The following UGGT1 variants were observed in gnomAD, a reference collection of about 807,000 sequenced individuals.
The protein encoded by UGGT1 is UDP-glucose glycoprotein glucosyltransferase 1.
In UGGT1, 107 loss-of-function variants were observed where a neutral mutation model predicts 203.9. The observed-to-expected ratio is 0.52, with a 90% CI of 0.45 to 0.62. The LOEUF is 0.62. Among genes scored for constraint, UGGT1 ranks in the 20% least tolerant of loss-of-function variants. The probability of loss-of-function intolerance (pLI) is 0.00; values close to 1 mark genes in which losing one functional copy is unlikely to be tolerated. For synonymous variants in UGGT1, 628 were observed against 653.5 expected (o/e 0.96, Z 0.59); for missense variants, 1,673 against 1,867.2 (o/e 0.90, Z 1.92).
chr2:128,130,346 C>G (rs950922592), intron 13 of UGGT1, among the ~76,000 whole-genome samples: 1 of 151,364 alleles, frequency 6.6e-6, no homozygotes, highest in African/African-American at 2.4e-5. Context: ...GAGAGCTGAT[C>G]TTATTTTTTC....
chr2:128,114,095 G>A (rs1313626455), intron 6 of UGGT1, among the ~76,000 whole-genome samples: 1 of 151,846 alleles, frequency 6.6e-6, no homozygotes, highest in Non-Finnish European at 1.5e-5. Context: ...CTAAGTTCAT[G>A]CAAAAAAAAT....
intron 1 of UGGT1, among the ~76,000 whole-genome samples, chr2:128,092,383 C>A (rs1452529699): frequency 6.6e-6 from 1 of 150,590 alleles, no homozygotes; most frequent in Admixed American, 6.6e-5. Flanking sequence ...CCAGTCTGAT[C>A]TTGAACTCCT....
At chr2:128,157,656 G>A (rs1356279368) in intron 22 of UGGT1, among the ~76,000 whole-genome samples, 1 of 152,206 alleles carries the variant, frequency 6.6e-6, no homozygotes, top group Non-Finnish European at 1.5e-5. Flanking sequence ...CAACAATTGT[G>A]TTGTGTACTG....
intron 8 of UGGT1, among the ~76,000 whole-genome samples, chr2:128,118,401 G>A (rs549672101): frequency 5.9e-5 from 9 of 152,242 alleles, no homozygotes; most frequent in Non-Finnish European, 1.2e-4. Context: ...GAATAGCTGG[G>A]ACTACAGTTG....
At chr2:128,116,816 C>T (rs956365021) in intron 8 of UGGT1, among the ~76,000 whole-genome samples, 1 of 152,098 alleles carries the variant, frequency 6.6e-6, no homozygotes, top group Non-Finnish European at 1.5e-5. Context: ...TGAGCCACTG[C>T]GTCCAGCCTG....
chr2:128,151,157 T>C (rs1340187372), intron 18 of UGGT1: 2 of 454,988 alleles, frequency 4.4e-6, no homozygotes, highest in Non-Finnish European at 4.2e-6. Context: ...GGCCCAGATT[T>C]CTTAATTTCA....
chr2:128,156,825 C>T (rs1690256709), intron 21 of UGGT1, among the ~76,000 whole-genome samples: 1 of 152,176 alleles, frequency 6.6e-6, no homozygotes, highest in South Asian at 2.1e-4. Flanking sequence ...CCTCCTGAAC[C>T]TCCCAAAGTG....
intron 29 of UGGT1, 34 bp from the exon 30 acceptor site, chr2:128,173,747 G>C (rs1275715877): frequency 6.2e-7 from 1 of 1,608,264 alleles, no homozygotes; most frequent in African/African-American, 1.3e-5. Flanking sequence ...TGTTGTCTCT[G>C]AGTGCATTCA....
At chr2:128,120,866 A>G (rs1158673415) in intron 9 of UGGT1, among the ~76,000 whole-genome samples, 1 of 152,208 alleles carries the variant, frequency 6.6e-6, no homozygotes, top group East Asian at 1.9e-4. Context: ...GTCATTTACT[A>G]AAAGTCTTCA....
At chr2:128,144,115 T>C (rs1212104689) in intron 17 of UGGT1, among the ~76,000 whole-genome samples, 1 of 152,222 alleles carries the variant, frequency 6.6e-6, no homozygotes, top group South Asian at 2.1e-4. Context: ...GATAATGATA[T>C]TAGGAAAAGT....
intron 7 of UGGT1, among the ~76,000 whole-genome samples, 192 bp downstream of exon 7, chr2:128,115,412 A>G (rs1192503070): frequency 6.6e-6 from 1 of 151,498 alleles, no homozygotes; most frequent in Non-Finnish European, 1.5e-5. Flanking sequence ...AAGTACAGGT[A>G]ATGATACATG....
At position 128,159,586 on chromosome 2, in the gene UGGT1, A is replaced by C; in HGVS notation, c.2428A>C (p.Ile810Leu). The part of the protein sequence containing the change: ...AKEISYENTQ[I>L]SRAIWAALQT... ...AGAGATAAGCTATGAGAACACTCAG[A>C]TCTCCAGAGCAATCTGGGCAGCTCT... is the stretch of plus-strand genomic sequence containing the variant. Residue 810 changes from isoleucine (I) to leucine (L), a missense_variant, in exon 23 of 41, where the codon ATC (isoleucine) becomes CTC (leucine). This residue lies in a region of UGGT1 where 1,073 missense variants were observed against 1,078.7 expected (regional missense o/e 0.99). Coordinates refer to ENST00000259253, the MANE Select transcript of UGGT1 (RefSeq NM_020120.4). 7 of 1,614,220 alleles carry C rather than the reference A, an allele frequency of 4.3e-6. No homozygotes were observed. The highest frequency in any genetic ancestry group is 5.1e-6 in the Non-Finnish European group (6 of 1,180,026).
At chr2:128,146,998 G>A (rs530580546) in intron 18 of UGGT1, among the ~76,000 whole-genome samples, 4 of 152,208 alleles carry the variant, frequency 2.6e-5, no homozygotes, top group East Asian at 1.9e-4. Flanking sequence ...GCATCAACCC[G>A]TAGTATAAAC....
chr2:128,173,990 C>A (rs1161940757), intron 30 of UGGT1, 51 bp downstream of exon 30: 1 of 1,585,760 alleles, frequency 6.3e-7, no homozygotes, highest in South Asian at 1.1e-5. Context: ...TTAATTTGGG[C>A]ACTATAATTT....
At position 128,160,740 on chromosome 2, in the gene UGGT1, T is replaced by C. The variant is rs188857653; in HGVS notation, c.2694+149T>C. On this transcript the variant is annotated intron_variant, in intron 24 of 40. Transcript: ENST00000259253. ...AAGTGCCATTGATGTTTCTGCCTCC[T>C]ATTTCCAAGGAGCTGTGCTTTTTGA... 3.1e-5 allele frequency: 37 copies of C among 1,206,202 alleles called. No individual in the cohort carries two copies. In the East Asian group the frequency reaches 1.0e-3, roughly 33 times the overall value. 74.7% of individuals were successfully genotyped at this position (1,206,202 alleles called of 1,614,324 possible). A position where few individuals can be genotyped will look rare whatever the true frequency, so the allele number is the denominator to read the frequency against.
At chr2:128,160,320 G>A (rs1690462415) in intron 23 of UGGT1, 140 bp from the exon 24 acceptor site, 20 of 837,478 alleles carry the variant, frequency 2.4e-5, no homozygotes, top group Non-Finnish European at 3.5e-5. Context: ...CTGGAGAATT[G>A]ACACATCTTA....
intron 40 of UGGT1, among the ~76,000 whole-genome samples, chr2:128,187,815 T>A (rs1023268534): frequency 6.7e-6 from 1 of 150,084 alleles, no homozygotes; most frequent in African/African-American, 2.5e-5. Context: ...ATTGCTATGT[T>A]TTTTTTTTTT....
chr2:128,135,017 A>G (rs1689069970), intron 15 of UGGT1, 56 bp downstream of exon 15: 2 of 1,466,920 alleles, frequency 1.4e-6, no homozygotes, highest in Non-Finnish European at 1.9e-6. Flanking sequence ...TTTATTTGTC[A>G]TTTTTAAATG....
rs1273505917 is a variant in UGGT1 at position 128,173,871 on chromosome 2, G to A, written c.3385G>A (p.Gly1129Arg). ...CATCACCACAGGCCAGCCTCCACGG[G>A]GACTACAGTTTACCTTAGGAACTTC... is the stretch of plus-strand genomic sequence containing the variant. ...YDITTGQPPRGLQFTLGTSAN... is the reference protein window; with the variant it reads ...YDITTGQPPRRLQFTLGTSAN... Residue 1129 changes from glycine (G) to arginine (R), a missense_variant, in exon 30 of 41, where the codon GGA becomes AGA. Coordinates refer to ENST00000259253, the MANE Select transcript of UGGT1 (RefSeq NM_020120.4). The A allele has an allele frequency of 6.2e-7, 1 of 1,614,116 alleles. No individual in the cohort carries two copies. Among genetic ancestry groups the A allele is most frequent in the Admixed American group, 1.7e-5 (1 of 60,012 alleles).
Sources: gnomAD v4.1 joint callset for allele counts (sites outside exome capture counted in the v4.1 genomes callset) on GRCh38, gnomAD v4.1.1 for gene constraint, gnomAD v4.1.1 regional missense constraint, MANE v1.5 for transcripts, NCBI Gene and HGNC (gene_info 2026-07-23, HGNC 2026-07-21) for gene names.